The following CTNNBL1 variants were observed in gnomAD, a reference collection of about 807,000 sequenced individuals.
CTNNBL1 encodes beta-catenin-like protein 1.
A neutral mutation model predicts 72.7 loss-of-function variants in CTNNBL1; 31 were observed. The observed-to-expected ratio is 0.43, with a 90% CI of 0.32 to 0.58. The LOEUF (loss-of-function observed/expected upper bound fraction) is 0.58, where lower values mean the gene tolerates loss of function less well. Ranked by LOEUF, CTNNBL1 falls within the 20% of genes least tolerant of loss-of-function variation. The pLI is 0.08. For missense variants in CTNNBL1, 534 were observed against 725.1 expected (o/e 0.74, Z 3.03); for synonymous variants, 240 against 267.3 (o/e 0.90, Z 1.00).
chr20:37,696,158 G>A (rs1197083063), intron 1 of CTNNBL1, among the ~76,000 whole-genome samples: 3 of 152,294 alleles, frequency 2.0e-5, no homozygotes, highest in African/African-American at 7.2e-5. Context: ...TATCCACTGG[G>A]TATACAACAC....
Position 37,694,607 on chromosome 20 carries a change from A to G in CTNNBL1, c.30+455A>G, listed in dbSNP as rs191722573. Among the ~76,000 whole-genome samples the G allele has an allele frequency of 2.3e-4, 35 of 152,262 alleles. No homozygotes were observed. In the East Asian group the frequency reaches 6.7e-3, roughly 29 times the overall value. ...TTGAACCAAGTTTTTGTATCTATAT[A>G]GTGGAGACACTAATAACTGCCTTAG... On this transcript the variant is annotated intron_variant, in intron 1 of 15. Transcript: ENST00000361383.
chr20:37,794,017 G>A (rs1194038583), intron 10 of CTNNBL1, among the ~76,000 whole-genome samples: 1 of 152,120 alleles, frequency 6.6e-6, no homozygotes, highest in Non-Finnish European at 1.5e-5. Context: ...CTGACCTTGT[G>A]ATCCACCTGC....
rs550764621 is a variant in CTNNBL1, at chr20:37,737,318, G to A, written c.220-60G>A. ...GGGGTATAAGAGCCACAGGAAAGTA[G>A]TGACAATGAATGTGAAACCCCTGTG... On this transcript the variant is annotated intron_variant, in intron 2 of 15. Transcript: ENST00000361383. 57 of 1,163,036 alleles carry A rather than the reference G, an allele frequency of 4.9e-5. No homozygotes were observed. In the Admixed American group the frequency reaches 9.5e-4, roughly 19 times the overall value. The allele number at this position is 1,163,036 out of a possible 1,614,324, so 72.0% of individuals were successfully genotyped here. A position where few individuals can be genotyped will look rare whatever the true frequency, so the allele number is the denominator to read the frequency against.
intron 1 of CTNNBL1, among the ~76,000 whole-genome samples, chr20:37,703,733 G>T (rs573272936): frequency 3.4e-4 from 51 of 151,750 alleles, no homozygotes; most frequent in African/African-American, 1.2e-3. Context: ...AGGAGCCTTG[G>T]AACTATTTCT....
At chr20:37,851,079 GA>G (rs1195338613) in intron 13 of CTNNBL1, among the ~76,000 whole-genome samples, 1 of 152,220 alleles carries the variant, frequency 6.6e-6, no homozygotes, top group African/African-American at 2.4e-5. Flanking sequence ...GTGGCTGGAA[GA>G]GGGGGAAACA....
chr20:37,712,087 G>A (rs1157613698), intron 1 of CTNNBL1, among the ~76,000 whole-genome samples: 3 of 152,204 alleles, frequency 2.0e-5, no homozygotes, highest in Non-Finnish European at 4.4e-5. Context: ...GTGCTGCAGA[G>A]GGCCTCAGCT....
At chr20:37,760,331 A>G (rs1169739659) in intron 5 of CTNNBL1, among the ~76,000 whole-genome samples, 1 of 152,162 alleles carries the variant, frequency 6.6e-6, no homozygotes, top group Non-Finnish European at 1.5e-5. Flanking sequence ...AGGTAGTCCC[A>G]TGCCTTCGCT....
intron 2 of CTNNBL1, 110 bp downstream of exon 2, chr20:37,733,177 T>C (rs2073144647): frequency 1.1e-6 from 1 of 926,922 alleles, no homozygotes; most frequent in Admixed American, 2.5e-5. Flanking sequence ...TAAAATGGGG[T>C]TAAGAATTCA....
intron 10 of CTNNBL1, among the ~76,000 whole-genome samples, chr20:37,794,867 G>GT (rs892335995): frequency 1.3e-5 from 2 of 152,008 alleles, no homozygotes; most frequent in Non-Finnish European, 2.9e-5. Context: ...TTTTCTGGGA[G>GT]TTTTTTTGTT....
chr20:37,725,202 C>T (rs534380637), intron 1 of CTNNBL1, among the ~76,000 whole-genome samples: 4 of 152,234 alleles, frequency 2.6e-5, no homozygotes, highest in African/African-American at 4.8e-5. Context: ...CCACTGCACC[C>T]GGTTGGTCTT....
chr20:37,810,763 G>A (rs1465437909), intron 11 of CTNNBL1, among the ~76,000 whole-genome samples: 1 of 152,166 alleles, frequency 6.6e-6, no homozygotes, highest in Non-Finnish European at 1.5e-5. Context: ...TGGGCACTAG[G>A]CATGTATAGC....
intron 10 of CTNNBL1, among the ~76,000 whole-genome samples, chr20:37,801,083 C>T (rs1432260692): frequency 1.3e-5 from 2 of 152,210 alleles, no homozygotes; most frequent in Non-Finnish European, 2.9e-5. Context: ...CTCAATTTCT[C>T]TTTGTCTCCT....
chr20:37,846,332 G>A (rs953247270), intron 13 of CTNNBL1, among the ~76,000 whole-genome samples: 17 of 152,096 alleles, frequency 1.1e-4, no homozygotes, highest in Non-Finnish European at 1.8e-4. Context: ...TACCTTCCAC[G>A]AGTGGAGGGT....
At chr20:37,778,674 G>T (rs1441454870) in intron 9 of CTNNBL1, among the ~76,000 whole-genome samples, 3 of 152,190 alleles carry the variant, frequency 2.0e-5, no homozygotes, top group African/African-American at 7.2e-5. Flanking sequence ...GTCAGGAAAT[G>T]CTTCCTTATA....
At chr20:37,844,961 A>C (rs1179135502) in intron 13 of CTNNBL1, among the ~76,000 whole-genome samples, 1 of 152,204 alleles carries the variant, frequency 6.6e-6, no homozygotes, top group Non-Finnish European at 1.5e-5. Flanking sequence ...AAATAAAAAC[A>C]AAACACCTCG....
intron 1 of CTNNBL1, among the ~76,000 whole-genome samples, chr20:37,708,525 A>T (rs1391030680): frequency 6.6e-6 from 1 of 152,154 alleles, no homozygotes; most frequent in African/African-American, 2.4e-5. Flanking sequence ...TAAAAAGCAC[A>T]GTATCTGCAA....
intron 4 of CTNNBL1, among the ~76,000 whole-genome samples, chr20:37,747,143 C>T (rs1192041206): frequency 2.0e-5 from 3 of 152,082 alleles, no homozygotes; most frequent in Non-Finnish European, 2.9e-5. Flanking sequence ...TTTGGGAGGC[C>T]AAGGTGGTTG....
intron 7 of CTNNBL1, among the ~76,000 whole-genome samples, chr20:37,769,025 C>A (rs944093667): frequency 1.3e-5 from 2 of 152,170 alleles, no homozygotes; most frequent in African/African-American, 4.8e-5. Context: ...GTGATCCACC[C>A]GCCTTGGTCT....
At chr20:37,734,750 C>T (rs1333466909) in intron 2 of CTNNBL1, among the ~76,000 whole-genome samples, 1 of 152,230 alleles carries the variant, frequency 6.6e-6, no homozygotes, top group African/African-American at 2.4e-5. Flanking sequence ...ACATCATCAG[C>T]ATTCATCTTT....
Sources: gnomAD v4.1 joint callset for allele counts (sites outside exome capture counted in the v4.1 genomes callset) on GRCh38, gnomAD v4.1.1 for gene constraint, MANE v1.5 for transcripts, NCBI Gene and HGNC (gene_info 2026-07-23, HGNC 2026-07-21) for gene names.